Variants in PCCA observed in about 807,000 individuals in gnomAD.
The protein encoded by PCCA is propionyl-CoA carboxylase alpha chain, mitochondrial.
A neutral mutation model predicts 101.3 loss-of-function variants in PCCA; 74 were observed. That is an observed-to-expected ratio of 0.73 (90% CI 0.61 to 0.89). The LOEUF is 0.89. Ranked by LOEUF, PCCA falls within the 40% of genes least tolerant of loss-of-function variation. The pLI, the probability that PCCA is intolerant of heterozygous loss-of-function variation, is 0.00. For missense variants in PCCA, 891 were observed against 907.0 expected, an observed-to-expected ratio of 0.98 and a Z score of 0.23; for synonymous variants, 294 against 313.6, an observed-to-expected ratio of 0.94 and a Z score of 0.66.
chr13:100,329,929 C>T lies in PCCA; in HGVS notation c.1430-632C>T, dbSNP rs555898581. ...CAAAAACTGCAATGCTTGCAGCTGG[C>T]GTTGGTCAACGAGAAATGTCCAATT... On this transcript the variant is annotated intron_variant, in intron 16 of 23. Transcript: ENST00000376285. Among the ~76,000 whole-genome samples, 13 of 152,264 alleles carry T rather than the reference C, an allele frequency of 8.5e-5. No individual in the cohort carries two copies. In the South Asian group the frequency reaches 1.7e-3, roughly 19 times the overall value.
intron 17 of PCCA, among the ~76,000 whole-genome samples, chr13:100,335,042 A>G (rs2070223343): frequency 6.6e-6 from 1 of 152,250 alleles, no homozygotes. Flanking sequence ...CAGTGAGATT[A>G]TGTTCATACT....
Position 100,229,491 on chromosome 13 carries a change from G to T in PCCA, c.601-6351G>T, listed in dbSNP as rs546046898. ...CTCCCACAATTTAGCCTAAATATTT[G>T]CCCTGGCATGCTTATACTGGTCCAA... On this transcript the variant is annotated intron_variant, in intron 7 of 23. Coordinates refer to ENST00000376285, the MANE Select transcript of PCCA (RefSeq NM_000282.4). 1.8e-4 allele frequency among the ~76,000 whole-genome samples: 27 copies of T among 152,276 alleles called. No homozygotes were observed. The South Asian group carries it at 5.6e-3, about 32-fold the overall frequency.
chr13:100,353,152 C>T (rs1431734926), intron 18 of PCCA, among the ~76,000 whole-genome samples: 2 of 152,132 alleles, frequency 1.3e-5, no homozygotes, highest in Non-Finnish European at 2.9e-5. Context: ...TGAAGCAAAA[C>T]TGAGACAAAG....
At chr13:100,419,366 G>A (rs527463171) in intron 19 of PCCA, among the ~76,000 whole-genome samples, 2 of 152,118 alleles carry the variant, frequency 1.3e-5, no homozygotes, top group South Asian at 4.2e-4. Context: ...CAGCTACTTG[G>A]GAGGCTGAGG....
chr13:100,348,808 CTTCCTTCCT>C (rs1346939438), intron 18 of PCCA, among the ~76,000 whole-genome samples: 11 of 59,274 alleles, frequency 1.9e-4, no homozygotes, highest in African/African-American at 8.1e-4. Context: ...TCCTTCCTTC[CTTCCTTCCT>C]TTCTTTCTTT....
At chr13:100,461,708 C>T (rs2082175684) in intron 21 of PCCA, among the ~76,000 whole-genome samples, 1 of 152,196 alleles carries the variant, frequency 6.6e-6, no homozygotes, top group Non-Finnish European at 1.5e-5. Context: ...TAACTTTCCA[C>T]CTGTCCCTGC....
At chr13:100,187,895 C>T (rs773664555) in intron 6 of PCCA, among the ~76,000 whole-genome samples, 8 of 152,042 alleles carry the variant, frequency 5.3e-5, no homozygotes, top group Non-Finnish European at 8.8e-5. Flanking sequence ...TTTTATCCCC[C>T]GCCCCCTTCC....
chr13:100,501,427 C>T (rs1424520972), intron 21 of PCCA, among the ~76,000 whole-genome samples: 1 of 152,222 alleles, frequency 6.6e-6, no homozygotes, highest in African/African-American at 2.4e-5. Flanking sequence ...TCCAGCAGCG[C>T]ATTGTCAGCT....
chr13:100,155,213 T>G, intron 5 of PCCA, 121 bp downstream of exon 5: 1 of 739,432 alleles, frequency 1.4e-6, no homozygotes. Context: ...AGTTAGTTCA[T>G]GTCACATGAG....
At chr13:100,233,671 G>A (rs2060621159) in intron 7 of PCCA, among the ~76,000 whole-genome samples, 1 of 152,172 alleles carries the variant, frequency 6.6e-6, no homozygotes, top group African/African-American at 2.4e-5. Flanking sequence ...TTAATGTCCA[G>A]TGCATAATAG....
chr13:100,477,068 C>T (rs572944001), intron 21 of PCCA, among the ~76,000 whole-genome samples: 10 of 152,080 alleles, frequency 6.6e-5, no homozygotes, highest in Non-Finnish European at 7.4e-5. Context: ...GGTAATTTAC[C>T]GGGTAATGAC....
At chr13:100,167,470 A>G (rs2055164736) in intron 6 of PCCA, among the ~76,000 whole-genome samples, 1 of 152,108 alleles carries the variant, frequency 6.6e-6, no homozygotes, top group Non-Finnish European at 1.5e-5. Flanking sequence ...GGATCACTTG[A>G]GCCTTGGAGT....
intron 4 of PCCA, among the ~76,000 whole-genome samples, chr13:100,131,823 G>C (rs2050547194): frequency 6.6e-6 from 1 of 152,150 alleles, no homozygotes; most frequent in Non-Finnish European, 1.5e-5. Flanking sequence ...CTGCACTCTT[G>C]TGGCTTCCAG....
At chr13:100,316,505 C>T (rs895500108) in intron 16 of PCCA, among the ~76,000 whole-genome samples, 1 of 152,146 alleles carries the variant, frequency 6.6e-6, no homozygotes, top group African/African-American at 2.4e-5. Context: ...ACAAATACAA[C>T]ATATGATTTA....
rs533912080 is a variant in PCCA, at chr13:100,278,271, G to A, written c.1065+4925G>A. On this transcript the variant is annotated intron_variant, in intron 12 of 23. Coordinates refer to ENST00000376285, the MANE Select transcript of PCCA (RefSeq NM_000282.4). ...TTTGATTCTGAAGACAATTTGAGACGACTGCAAAATATTTGTATTCTATTC... is the reference window on the plus strand; with the variant it reads ...TTTGATTCTGAAGACAATTTGAGACAACTGCAAAATATTTGTATTCTATTC... 1.3e-3 allele frequency among the ~76,000 whole-genome samples: 202 copies of A among 152,204 alleles called. 2 individuals are homozygous for A. The highest frequency in any genetic ancestry group is 1.9e-3 in the Non-Finnish European group (132 of 68,010).
At chr13:100,283,580 G>C (rs2064320095) in intron 12 of PCCA, among the ~76,000 whole-genome samples, 1 of 152,180 alleles carries the variant, frequency 6.6e-6, no homozygotes, top group Admixed American at 6.5e-5. Context: ...GTCAGCCACA[G>C]ATATCAGGAG....
At chr13:100,481,161 G>A (rs1262716020) in intron 21 of PCCA, 1 of 151,354 alleles carries the variant, frequency 6.6e-6, no homozygotes, top group Non-Finnish European at 1.5e-5. Flanking sequence ...TTTTTCTTGA[G>A]AACTTTCACC....
At chr13:100,249,032 G>A (rs967914820) in intron 8 of PCCA, among the ~76,000 whole-genome samples, 20 of 152,140 alleles carry the variant, frequency 1.3e-4, no homozygotes, top group Non-Finnish European at 2.6e-4. Context: ...GGGATTACAG[G>A]CATCAGCCAC....
chr13:100,385,320 G>C (rs981519903), intron 19 of PCCA, among the ~76,000 whole-genome samples: 2 of 152,114 alleles, frequency 1.3e-5, no homozygotes, highest in Non-Finnish European at 2.9e-5. Flanking sequence ...TAAAACTGTC[G>C]TAAGTGAAGC....
Sources: gnomAD v4.1 joint callset for allele counts (sites outside exome capture counted in the v4.1 genomes callset) on GRCh38, gnomAD v4.1.1 for gene constraint, MANE v1.5 for transcripts, NCBI Gene and HGNC (gene_info 2026-07-23, HGNC 2026-07-21) for gene names.